MPP4: variants seen among roughly 807,000 people sequenced by gnomAD.
MPP4 encodes the protein MAGUK p55 subfamily member 4.
In MPP4, 91 loss-of-function variants were observed where a neutral mutation model predicts 98.3. The observed-to-expected ratio is 0.93, with a 90% CI of 0.78 to 1.10. The LOEUF is 1.10. Ranked by LOEUF, MPP4 falls within the 50% of genes least tolerant of loss-of-function variation. MPP4 has a pLI of 0.00. For synonymous variants in MPP4, 261 were observed against 271.8 expected, an observed-to-expected ratio of 0.96 and a Z score of 0.39; for missense variants, 744 against 792.9, an observed-to-expected ratio of 0.94 and a Z score of 0.74.
intron 18 of MPP4, among the ~76,000 whole-genome samples, 175 bp downstream of exon 18, chr2:201,654,662 C>T (rs1288695084): frequency 6.6e-6 from 1 of 152,066 alleles, no homozygotes; most frequent in African/African-American, 2.4e-5. Flanking sequence ...AAGCCAGCTG[C>T]CTACATTCCA....
rs1452065401 is a variant in MPP4 at position 201,680,879 on chromosome 2, A to G, written c.888T>C (p.Ala296=). ...WWQARKISDP[A]TCAGLVPSNH... The stretch of plus-strand genomic sequence containing the variant: ...TAGAAGGGACAAGCCCAGCGCAGGT[A>G]GCAGGGTCTGAGATTTTTCGGGCCT... Residue 296 remains alanine, a synonymous_variant, in exon 10 of 22, where the codon GCT becomes GCC. Coordinates refer to ENST00000409474, the MANE Select transcript of MPP4 (RefSeq NM_033066.3). 1.2e-6 allele frequency: 2 copies of G among 1,613,540 alleles called. No homozygotes were observed. The highest frequency in any genetic ancestry group is 1.7e-6 in the Non-Finnish European group (2 of 1,179,784).
chr2:201,686,173 A>G, intron 5 of MPP4, 123 bp from the exon 6 acceptor site: 2 of 1,160,406 alleles, frequency 1.7e-6, no homozygotes, highest in East Asian at 5.0e-5. Flanking sequence ...GACATGCCAG[A>G]CACAGTGCGA....
rs199680339 is a variant in MPP4, at chr2:201,685,870, A to G, written c.492+49T>C. The G allele has an allele frequency of 1.2e-3, 1,857 of 1,594,228 alleles. 23 individuals carry two copies. In the South Asian group the frequency reaches 0.016, roughly 13 times the overall value. On this transcript the variant is annotated intron_variant, in intron 6 of 21. Transcript: ENST00000409474. ...ACCACTAGATATAATTTGGTTCACA[A>G]TTAACCTAAGCTTACCCTAAATGGA... is the stretch of plus-strand genomic sequence containing the variant.
intron 12 of MPP4, among the ~76,000 whole-genome samples, chr2:201,667,140 G>C (rs1409847665): frequency 6.6e-6 from 1 of 152,118 alleles, no homozygotes; most frequent in Non-Finnish European, 1.5e-5. Context: ...GTATATATAA[G>C]AGAATAAAGG....
intron 7 of MPP4, 99 bp from the exon 8 acceptor site, chr2:201,683,015 T>G (rs577791928): frequency 7.2e-6 from 6 of 831,792 alleles, no homozygotes; most frequent in African/African-American, 6.9e-5. Context: ...AACCCAAGCA[T>G]GCTCTAAAAA....
At chr2:201,686,236 C>T (rs112729312) in intron 5 of MPP4, among the ~76,000 whole-genome samples, 186 bp from the exon 6 acceptor site, 36 of 152,276 alleles carry the variant, frequency 2.4e-4, no homozygotes, top group African/African-American at 5.5e-4. Flanking sequence ...GAGGCAGGTA[C>T]ATTAATTGTC....
At chr2:201,654,063 G>C (rs549793911) in intron 18 of MPP4, among the ~76,000 whole-genome samples, 1 of 151,504 alleles carries the variant, frequency 6.6e-6, no homozygotes, top group South Asian at 2.1e-4. Context: ...TGCAACCTCC[G>C]CCTCCCAGGT....
chr2:201,668,759 C>T (rs1430756996), intron 12 of MPP4, among the ~76,000 whole-genome samples: 2 of 152,174 alleles, frequency 1.3e-5, no homozygotes, highest in Non-Finnish European at 2.9e-5. Context: ...CGTACAGTTC[C>T]CAGCTCCTCC....
At chr2:201,657,590 G>GTTGTTTTTTTT (rs1687884500) in intron 16 of MPP4, among the ~76,000 whole-genome samples, 1 of 91,124 alleles carries the variant, frequency 1.1e-5, no homozygotes, top group Admixed American at 1.2e-4. Flanking sequence ...CCTGGCCCTT[G>GTTGTTTTTTTT]TTTTTTTTTT....
At chr2:201,660,151 C>G (rs1389543250) in intron 15 of MPP4, among the ~76,000 whole-genome samples, 181 bp downstream of exon 15, 2 of 152,138 alleles carry the variant, frequency 1.3e-5, no homozygotes, top group Non-Finnish European at 2.9e-5. Flanking sequence ...GAGAACCTCA[C>G]AAACTTAGTT....
At chr2:201,681,390 T>C (rs1208073) in intron 9 of MPP4, 106 bp downstream of exon 9, 987,081 of 993,222 alleles carry the variant, frequency 0.99, 490,713 homozygotes, top group East Asian at 1. Flanking sequence ...CAGTCTTGAA[T>C]CCAGGTCCAA....
intron 10 of MPP4, among the ~76,000 whole-genome samples, chr2:201,678,313 G>T (rs538522158): frequency 2.0e-5 from 3 of 151,952 alleles, no homozygotes; most frequent in Non-Finnish European, 2.9e-5. Flanking sequence ...CCAAGCTCAG[G>T]TCACCCCTTA....
At chr2:201,647,381 G>A (rs1424694769) in intron 21 of MPP4, among the ~76,000 whole-genome samples, 1 of 151,898 alleles carries the variant, frequency 6.6e-6, no homozygotes, top group African/African-American at 2.4e-5. Flanking sequence ...TAAAAAATAA[G>A]GGTAGCATCA....
rs748198761 is a variant in MPP4 at position 201,660,313 on chromosome 2, A to G, written c.1087+19T>C. ...AAACATAGTTCTATTTGGTATATCT[A>G]GGAAATAAAAACAATTACCTTCTGA... is the stretch of plus-strand genomic sequence containing the variant. On this transcript the variant is annotated intron_variant, in intron 15 of 21. Coordinates refer to ENST00000409474, the MANE Select transcript of MPP4 (RefSeq NM_033066.3). 1.2e-6 allele frequency: 2 copies of G among 1,605,074 alleles called. No homozygotes were observed. The highest frequency in any genetic ancestry group is 8.5e-7 in the Non-Finnish European group (1 of 1,171,844).
chr2:201,652,141 T>G, intron 18 of MPP4: 1 of 333,136 alleles, frequency 3.0e-6, no homozygotes, highest in Non-Finnish European at 4.3e-6. Flanking sequence ...AGGCAAGATC[T>G]TCCCCAGCCC....
intron 21 of MPP4, among the ~76,000 whole-genome samples, chr2:201,646,468 G>A (rs561632858): frequency 1.3e-4 from 20 of 151,658 alleles, no homozygotes; most frequent in Non-Finnish European, 2.8e-4. Context: ...AATACAATCT[G>A]AAACACAAAT....
rs1355208852 is a variant in MPP4, at chr2:201,656,316, C to T, written c.1182G>A (p.Pro394=). The T allele has an allele frequency of 3.2e-6, 5 of 1,562,274 alleles. No individual in the cohort carries two copies. Among genetic ancestry groups the T allele is most frequent in the East Asian group, 2.4e-5 (1 of 41,850 alleles). ...RLCRRKSHLS[P]LHASVCCTGS... ...CGGTGCAGCACACACTGGCATGCAG[C>T]GGGCTGAGGTGAGACTTCCTGCGAC... The change falls in exon 17 of 22, where the codon CCG becomes CCA. Residue 394 remains proline (P), a synonymous_variant. Transcript: ENST00000409474.
Position 201,654,821 on chromosome 2 carries a change from G to A in MPP4, c.1381+16C>T. 6.3e-7 allele frequency: 1 copy of A among 1,575,796 alleles called. No homozygotes were observed. The highest frequency in any genetic ancestry group is 8.6e-7 in the Non-Finnish European group (1 of 1,158,046). On this transcript the variant is annotated intron_variant, in intron 18 of 21. Coordinates refer to ENST00000409474, the MANE Select transcript of MPP4 (RefSeq NM_033066.3). ...TACCAAAACACAAACCATTATGAAA[G>A]CAGAACTAAACATACGTGGCACAGC...
chr2:201,687,483 G>T, intron 4 of MPP4, 112 bp from the exon 5 acceptor site: 1 of 713,362 alleles, frequency 1.4e-6, no homozygotes, highest in South Asian at 2.1e-5. Flanking sequence ...CCTTTAAAAA[G>T]CTATTACTGG....
Sources: gnomAD v4.1 joint callset for allele counts (sites outside exome capture counted in the v4.1 genomes callset) on GRCh38, gnomAD v4.1.1 for gene constraint, MANE v1.5 for transcripts, NCBI Gene and HGNC (gene_info 2026-07-23, HGNC 2026-07-21) for gene names.